The following LINGO2 variants were observed in gnomAD, a reference collection of about 807,000 sequenced individuals.
The protein encoded by LINGO2 is leucine rich repeat and Ig domain containing 2, also known as leucine-rich repeat and immunoglobulin-like domain-containing nogo receptor-interacting protein 2.
Under a neutral mutation model 30.6 loss-of-function variants are expected in LINGO2, and 14 were observed. That is an observed-to-expected ratio of 0.46 (90% CI 0.30 to 0.72). The LOEUF is 0.72. Among genes scored for constraint, LINGO2 ranks in the 30% least tolerant of loss-of-function variants. The pLI is 0.07. For missense variants in LINGO2, 729 were observed against 751.7 expected, an observed-to-expected ratio of 0.97 and a Z score of 0.35; for synonymous variants, 317 against 288.5, an observed-to-expected ratio of 1.10 and a Z score of -1.00.
At chr9:28,365,650 G>A (rs1470226998) in intron 3 of LINGO2, among the ~76,000 whole-genome samples, 1 of 152,066 alleles carries the variant, frequency 6.6e-6, no homozygotes, top group East Asian at 1.9e-4. Context: ...AGGGAGTGAA[G>A]AGTGGTTTGG....
At chr9:28,096,675 T>C (rs1826251515) in intron 4 of LINGO2, among the ~76,000 whole-genome samples, 1 of 145,214 alleles carries the variant, frequency 6.9e-6, no homozygotes, top group African/African-American at 2.5e-5. Flanking sequence ...TGTCAGGCAC[T>C]GGGCTAGGTC....
At chr9:28,568,479 G>C (rs539693273) in intron 1 of LINGO2, among the ~76,000 whole-genome samples, 1 of 151,904 alleles carries the variant, frequency 6.6e-6, no homozygotes, top group Non-Finnish European at 1.5e-5. Context: ...GAACCTAAAA[G>C]AAAGAAACAT....
At chr9:28,041,089 A>C (rs1401062708) in intron 4 of LINGO2, among the ~76,000 whole-genome samples, 1 of 152,190 alleles carries the variant, frequency 6.6e-6, no homozygotes, top group Non-Finnish European at 1.5e-5. Context: ...TGAAGGTCTA[A>C]AACTTTCCAA....
chr9:28,208,315 A>G (rs1820479641), intron 4 of LINGO2, among the ~76,000 whole-genome samples: 1 of 152,118 alleles, frequency 6.6e-6, no homozygotes, highest in Non-Finnish European at 1.5e-5. Flanking sequence ...AACTATATGC[A>G]ACTGAATTTA....
the LINGO2 span, among the ~76,000 whole-genome samples, chr9:28,838,410 A>G: frequency 2.6e-5 from 4 of 152,166 alleles, no homozygotes; most frequent in Non-Finnish European, 4.4e-5. Flanking sequence ...ATATTTCTAA[A>G]ATTTCTCAGT....
the LINGO2 span, among the ~76,000 whole-genome samples, chr9:29,135,395 T>A: frequency 6.6e-6 from 1 of 151,770 alleles, no homozygotes; most frequent in Non-Finnish European, 1.5e-5. Flanking sequence ...CCGTCTCTAC[T>A]AAAAATACAA....
the LINGO2 span, among the ~76,000 whole-genome samples, chr9:28,770,501 T>C: frequency 6.6e-6 from 1 of 152,158 alleles, no homozygotes; most frequent in Non-Finnish European, 1.5e-5. Flanking sequence ...GGTTGCTATG[T>C]CATTTTACAT....
chr9:28,557,300 G>GA (rs900786936), intron 1 of LINGO2, among the ~76,000 whole-genome samples: 3 of 151,704 alleles, frequency 2.0e-5, no homozygotes, highest in African/African-American at 4.8e-5. Context: ...AAATTTACAA[G>GA]AAAAAAACAA....
At chr9:29,139,815 G>C in the LINGO2 span, among the ~76,000 whole-genome samples, 6 of 151,802 alleles carry the variant, frequency 4.0e-5, no homozygotes, top group Admixed American at 3.9e-4. Context: ...GCTTCTGAGG[G>C]GGCTGCCCAA....
chr9:28,397,020 T>G (rs1353318895), intron 2 of LINGO2, among the ~76,000 whole-genome samples: 1 of 152,100 alleles, frequency 6.6e-6, no homozygotes, highest in Non-Finnish European at 1.5e-5. Flanking sequence ...CATAATAAAT[T>G]TATATGTAAA....
At chr9:28,586,807 G>T (rs572961045) in intron 1 of LINGO2, among the ~76,000 whole-genome samples, 5 of 152,078 alleles carry the variant, frequency 3.3e-5, no homozygotes, top group Non-Finnish European at 7.4e-5. Flanking sequence ...CTGCTCATCT[G>T]CCCTAGTCCT....
At chr9:28,354,603 A>G (rs1020080873) in intron 3 of LINGO2, among the ~76,000 whole-genome samples, 2 of 152,184 alleles carry the variant, frequency 1.3e-5, no homozygotes, top group Admixed American at 6.6e-5. Flanking sequence ...TTTTTAAACA[A>G]TATTGTCAAA....
rs113489527 is a variant in LINGO2 at position 28,012,958 on chromosome 9, T to G, written c.-86-553A>C. Reference sequence around the variant, plus strand: ...AGATTCCTGAGCTCCATCCTGATTCTGATTGCGGAATTACATAAAGAATGC... The same window carrying G: ...AGATTCCTGAGCTCCATCCTGATTCGGATTGCGGAATTACATAAAGAATGC... On this transcript the variant is annotated intron_variant, in intron 4 of 5. Coordinates refer to ENST00000379992, the Ensembl canonical transcript of LINGO2. 5.9e-4 allele frequency among the ~76,000 whole-genome samples: 90 copies of G among 152,324 alleles called. 1 individual carries two copies. Among genetic ancestry groups the G allele is most frequent in the African/African-American group, 2.0e-3 (85 of 41,580 alleles).
intron 3 of LINGO2, among the ~76,000 whole-genome samples, chr9:28,317,065 C>A (rs572076790): frequency 6.6e-6 from 1 of 152,216 alleles, no homozygotes; most frequent in Admixed American, 6.5e-5. Context: ...AAACTAAGTT[C>A]TTAGAAATAT....
At chr9:28,698,070 C>A in the LINGO2 span, among the ~76,000 whole-genome samples, 8 of 151,950 alleles carry the variant, frequency 5.3e-5, no homozygotes, top group African/African-American at 1.9e-4. Context: ...CTCAGAAAGG[C>A]ACCTCATAAG....
chr9:28,052,102 C>T (rs927707193), intron 4 of LINGO2, among the ~76,000 whole-genome samples: 2 of 151,974 alleles, frequency 1.3e-5, no homozygotes, highest in African/African-American at 4.8e-5. Flanking sequence ...AAACTGGGCC[C>T]AGTAAGTGGT....
At chr9:28,199,902 A>G (rs1418052965) in intron 4 of LINGO2, among the ~76,000 whole-genome samples, 1 of 152,048 alleles carries the variant, frequency 6.6e-6, no homozygotes, top group African/African-American at 2.4e-5. Context: ...TAGGGCTCCA[A>G]AACTACAGGT....
intron 2 of LINGO2, among the ~76,000 whole-genome samples, chr9:28,388,896 T>TTC (rs34568011): frequency 0.11 from 16,844 of 150,908 alleles, 977 homozygotes; most frequent in East Asian, 0.19. Context: ...CTTTCTCTCT[T>TTC]TCTCTCTCTC....
chr9:28,052,472 T>C (rs1274033046), intron 4 of LINGO2, among the ~76,000 whole-genome samples: 10 of 152,046 alleles, frequency 6.6e-5, no homozygotes, highest in African/African-American at 2.4e-4. Context: ...GTTTTCACTA[T>C]TGGGAACATC....
Sources: allele counts gnomAD v4.1 joint callset (sites outside exome capture counted in the v4.1 genomes callset), GRCh38; gene constraint gnomAD v4.1.1; transcripts MANE v1.5; gene names NCBI Gene and HGNC (gene_info 2026-07-23, HGNC 2026-07-21).